Variants in GPC6 observed in about 807,000 individuals in gnomAD.
GPC6 encodes the protein glypican 6.
Under a neutral mutation model 55.2 loss-of-function variants are expected in GPC6, and 14 were observed. That is an observed-to-expected ratio of 0.25 (90% CI 0.17 to 0.40). The LOEUF is 0.40. GPC6 is among the 10% of genes least tolerant of loss of function. GPC6 has a pLI of 1.00. For missense variants in GPC6, 641 were observed against 708.5 expected, an observed-to-expected ratio of 0.90 and a Z score of 1.08; for synonymous variants, 278 against 259.6, an observed-to-expected ratio of 1.07 and a Z score of -0.68.
chr13:94,114,714 C>T (rs1308110187), intron 4 of GPC6, among the ~76,000 whole-genome samples: 1 of 152,064 alleles, frequency 6.6e-6, no homozygotes, highest in Non-Finnish European at 1.5e-5. Context: ...TCAAATTTTA[C>T]ACAACCAAGG....
At chr13:94,083,381 G>T (rs533348285) in intron 4 of GPC6, among the ~76,000 whole-genome samples, 2 of 152,316 alleles carry the variant, frequency 1.3e-5, no homozygotes, top group South Asian at 4.1e-4. Context: ...GCCTCCCAAA[G>T]TGCTGGGATT....
chr13:93,780,594 T>TAC (rs35134947), intron 2 of GPC6, among the ~76,000 whole-genome samples: 4,317 of 143,836 alleles, frequency 0.03, 68 homozygotes, highest in South Asian at 0.064. Context: ...ATCACAAAAA[T>TAC]ACACACACAC....
chr13:93,875,218 A>T (rs996920), intron 3 of GPC6, among the ~76,000 whole-genome samples: 41,001 of 151,662 alleles, frequency 0.27, 5,982 homozygotes, highest in Non-Finnish European at 0.32. Flanking sequence ...TCCCAAGACT[A>T]CTCTGCAAAA....
intron 2 of GPC6, among the ~76,000 whole-genome samples, chr13:93,577,004 T>C: frequency 6.6e-6 from 1 of 152,144 alleles, no homozygotes; most frequent in East Asian, 1.9e-4. Flanking sequence ...ACCCATAAAC[T>C]TTTGGTGCCA....
At chr13:93,853,326 T>C (rs17253255) in intron 3 of GPC6, among the ~76,000 whole-genome samples, 5,714 of 151,762 alleles carry the variant, frequency 0.038, 301 homozygotes, top group East Asian at 0.17. Context: ...AAAGGAACCA[T>C]TGGATTTATA....
At chr13:94,039,415 G>A (rs551051674) in intron 4 of GPC6, among the ~76,000 whole-genome samples, 171 of 151,908 alleles carry the variant, frequency 1.1e-3, no homozygotes, top group Non-Finnish European at 1.5e-3. Context: ...TGGTAGAGTT[G>A]GACATAAAAA....
chr13:93,255,304 A>G (rs1876915926), intron 1 of GPC6, among the ~76,000 whole-genome samples: 1 of 152,208 alleles, frequency 6.6e-6, no homozygotes, highest in Non-Finnish European at 1.5e-5. Context: ...TGTACCTGAG[A>G]TTTCCATCAC....
chr13:93,319,395 A>G (rs1304811617), intron 1 of GPC6, among the ~76,000 whole-genome samples: 1 of 152,176 alleles, frequency 6.6e-6, no homozygotes, highest in East Asian at 1.9e-4. Context: ...ATTAATAGGT[A>G]TGGATCAGAA....
intron 3 of GPC6, among the ~76,000 whole-genome samples, chr13:94,005,832 C>A (rs1236169293): frequency 6.6e-6 from 1 of 152,090 alleles, no homozygotes; most frequent in Non-Finnish European, 1.5e-5. Flanking sequence ...TGCATATTTT[C>A]TCAAGATAAA....
At chr13:93,554,004 C>T (rs553340985) in intron 2 of GPC6, among the ~76,000 whole-genome samples, 26 of 149,178 alleles carry the variant, frequency 1.7e-4, no homozygotes, top group African/African-American at 2.0e-4. Flanking sequence ...AAAAATTAGC[C>T]GGGTGTAGTG....
chr13:94,063,823 A>G (rs1435390240), intron 4 of GPC6, among the ~76,000 whole-genome samples: 1 of 152,206 alleles, frequency 6.6e-6, no homozygotes, highest in Non-Finnish European at 1.5e-5. Context: ...ACATTTCAGC[A>G]TTACATTCAG....
chr13:93,705,315 A>T (rs1481162192), intron 2 of GPC6, among the ~76,000 whole-genome samples: 5 of 151,978 alleles, frequency 3.3e-5, no homozygotes, highest in Non-Finnish European at 7.4e-5. Context: ...TTCCTGGTCC[A>T]TAAGAAAATA....
intron 4 of GPC6, among the ~76,000 whole-genome samples, chr13:94,216,936 TGG>T (rs1890243649): frequency 6.6e-6 from 1 of 152,312 alleles, no homozygotes; most frequent in South Asian, 2.1e-4. Flanking sequence ...TCAGAAGATC[TGG>T]GTCTCAAACC....
chr13:93,997,142 TTTTTAAGTAACATCTTTTA>T (rs1449315628), intron 3 of GPC6, among the ~76,000 whole-genome samples: 2 of 152,210 alleles, frequency 1.3e-5, no homozygotes, highest in Non-Finnish European at 1.5e-5. Context: ...AAAAGTTCTC[TTTTTAAGTAACATCTTTTA>T]CCAGTAGGTT....
intron 1 of GPC6, among the ~76,000 whole-genome samples, chr13:93,358,157 G>A (rs1880917006): frequency 6.6e-6 from 1 of 152,086 alleles, no homozygotes; most frequent in Non-Finnish European, 1.5e-5. Flanking sequence ...GACCAGCACA[G>A]GCAACATAGC....
intron 1 of GPC6, among the ~76,000 whole-genome samples, chr13:93,450,350 CAT>C (rs1242579049): frequency 2.2e-4 from 34 of 152,324 alleles, no homozygotes; most frequent in Admixed American, 1.2e-3. Context: ...AATCTCATCA[CAT>C]GTTTTAATTA....
At chr13:93,712,266 A>G (rs1401226639) in intron 2 of GPC6, among the ~76,000 whole-genome samples, 1 of 151,792 alleles carries the variant, frequency 6.6e-6, no homozygotes, top group African/African-American at 2.4e-5. Context: ...ATGCCAAGAC[A>G]CTATTGACAA....
intron 3 of GPC6, among the ~76,000 whole-genome samples, chr13:93,890,167 T>C (rs1247357736): frequency 6.6e-6 from 1 of 152,146 alleles, no homozygotes; most frequent in African/African-American, 2.4e-5. Flanking sequence ...TTGCTGTGGT[T>C]CCTGATGGTT....
chr13:93,984,529 A>T (rs1159208577), intron 3 of GPC6, among the ~76,000 whole-genome samples: 1 of 152,210 alleles, frequency 6.6e-6, no homozygotes, highest in African/African-American at 2.4e-5. Context: ...TGCAGTGAAG[A>T]AATAGTCAAA....
Sources: gnomAD v4.1 joint callset for allele counts (sites outside exome capture counted in the v4.1 genomes callset) on GRCh38, gnomAD v4.1.1 for gene constraint, MANE v1.5 for transcripts, NCBI Gene and HGNC (gene_info 2026-07-23, HGNC 2026-07-21) for gene names.